Variants in TMEM135 observed in about 807,000 individuals in gnomAD.
TMEM135 encodes the protein transmembrane protein 135, also known as peroxisomal membrane protein 52.
A neutral mutation model predicts 60.3 loss-of-function variants in TMEM135; 30 were observed. The ratio of observed to expected loss-of-function variants is 0.50; its 90% CI spans 0.37 to 0.68. TMEM135 has a LOEUF of 0.68. Among genes scored for constraint, TMEM135 ranks in the 30% least tolerant of loss-of-function variants. TMEM135 has a pLI of 0.00. For missense variants in TMEM135, 468 were observed against 548.8 expected, an observed-to-expected ratio of 0.85 and a Z score of 1.47; for synonymous variants, 190 against 186.7, an observed-to-expected ratio of 1.02 and a Z score of -0.14.
At chr11:87,288,626 C>T (rs1306475716) in intron 6 of TMEM135, among the ~76,000 whole-genome samples, 2 of 151,868 alleles carry the variant, frequency 1.3e-5, no homozygotes, top group Non-Finnish European at 1.5e-5. Flanking sequence ...AATTATAAAT[C>T]ATTTAATCAG....
chr11:87,047,691 G>C (rs113663033), intron 1 of TMEM135, among the ~76,000 whole-genome samples: 25,249 of 112,568 alleles, frequency 0.22, 3,198 homozygotes, highest in East Asian at 0.56. Flanking sequence ...CTGATTGCTA[G>C]CACAGCAGTC....
At chr11:87,083,909 CTT>C (rs1281757819) in intron 3 of TMEM135, among the ~76,000 whole-genome samples, 2 of 152,014 alleles carry the variant, frequency 1.3e-5, no homozygotes, top group Non-Finnish European at 2.9e-5. Flanking sequence ...GGAATTTTCA[CTT>C]TCTTTTATTT....
chr11:87,172,775 T>G (rs1328975930), intron 5 of TMEM135, among the ~76,000 whole-genome samples: 1 of 152,000 alleles, frequency 6.6e-6, no homozygotes, highest in Non-Finnish European at 1.5e-5. Context: ...ATTATAAATA[T>G]TGGTGTTATT....
At chr11:87,165,857 GA>G (rs61531290) in intron 5 of TMEM135, among the ~76,000 whole-genome samples, 1 of 148,304 alleles carries the variant, frequency 6.7e-6, no homozygotes, top group Non-Finnish European at 1.5e-5. Context: ...GACTAATAAA[GA>G]AAAAAGAGAG....
intron 6 of TMEM135, among the ~76,000 whole-genome samples, chr11:87,259,417 G>A (rs866122089): frequency 2.9e-4 from 43 of 149,130 alleles, no homozygotes; most frequent in Admixed American, 1.3e-4. Context: ...CGTGTAGAGC[G>A]GGAATACACA....
intron 5 of TMEM135, among the ~76,000 whole-genome samples, chr11:87,194,951 A>G (rs1252545333): frequency 1.3e-5 from 2 of 152,190 alleles, no homozygotes; most frequent in East Asian, 3.8e-4. Flanking sequence ...TACTTAATGA[A>G]TGCTTGTTTC....
intron 1 of TMEM135, among the ~76,000 whole-genome samples, chr11:87,040,352 G>T (rs926078802): frequency 3.9e-5 from 6 of 152,062 alleles, no homozygotes; most frequent in Admixed American, 1.3e-4. Context: ...GTGGTGGAAA[G>T]AAATTGGACT....
At chr11:87,198,795 A>G (rs914249732) in intron 5 of TMEM135, among the ~76,000 whole-genome samples, 7 of 152,090 alleles carry the variant, frequency 4.6e-5, no homozygotes, top group African/African-American at 1.7e-4. Flanking sequence ...AGTATAAATA[A>G]TAGAAACAAC....
In TMEM135 at chr11:87,162,682, C is replaced by T. The variant is rs183802717; in HGVS notation, c.462+5276C>T. On this transcript the variant is annotated intron_variant, in intron 5 of 14. Coordinates refer to ENST00000305494, the MANE Select transcript of TMEM135 (RefSeq NM_022918.4). Reference sequence around the variant, plus strand: ...TGTGAACAGTGCTGCAATTAACATACGTGTACATGTGTCTTTATAGTAGAG... The same window carrying T: ...TGTGAACAGTGCTGCAATTAACATATGTGTACATGTGTCTTTATAGTAGAG... Among the ~76,000 whole-genome samples the T allele has an allele frequency of 1.5e-3, 227 of 152,238 alleles. 2 individuals carry two copies. Among genetic ancestry groups the T allele is most frequent in the Non-Finnish European group, 2.4e-3 (162 of 68,002 alleles).
At chr11:87,199,551 A>G (rs917566769) in intron 5 of TMEM135, among the ~76,000 whole-genome samples, 26 of 152,192 alleles carry the variant, frequency 1.7e-4, no homozygotes, top group African/African-American at 5.5e-4. Context: ...CTTGTAGGGG[A>G]TGAGGTAGAT....
At chr11:87,146,853 C>G (rs1393209217) in intron 4 of TMEM135, among the ~76,000 whole-genome samples, 2 of 150,808 alleles carry the variant, frequency 1.3e-5, no homozygotes, top group African/African-American at 4.9e-5. Flanking sequence ...CTAAGGTTGC[C>G]CAAGTAGTAA....
rs1240345578 is a variant in TMEM135 at position 87,323,449 on chromosome 11, T to C, written c.*2116T>C. 1 of 453,920 alleles carries C rather than the reference T, an allele frequency of 2.2e-6. No homozygotes were observed. Among genetic ancestry groups the C allele is most frequent in the Non-Finnish European group, 4.4e-6 (1 of 226,756 alleles). 28.1% of individuals were successfully genotyped at this position (453,920 alleles called of 1,614,324 possible). A position where few individuals can be genotyped will look rare whatever the true frequency, so the allele number is the denominator to read the frequency against. ...TTTGAAGACAATCAGAATGATTACC[T>C]TTCTACCTCTAACTAATCAGGTATT... On this transcript the variant is annotated 3_prime_UTR_variant, in exon 15 of 15. Coordinates refer to ENST00000305494, the MANE Select transcript of TMEM135 (RefSeq NM_022918.4).
At chr11:87,179,498 C>T (rs1425647359) in intron 5 of TMEM135, among the ~76,000 whole-genome samples, 1 of 151,890 alleles carries the variant, frequency 6.6e-6, no homozygotes, top group Non-Finnish European at 1.5e-5. Flanking sequence ...TCATTTAGGT[C>T]TGTGATCTGT....
At chr11:87,103,303 T>G (rs975403850) in intron 4 of TMEM135, among the ~76,000 whole-genome samples, 1 of 152,142 alleles carries the variant, frequency 6.6e-6, no homozygotes, top group African/African-American at 2.4e-5. Context: ...TTCTCACCAA[T>G]AGTGTACAAG....
intron 6 of TMEM135, among the ~76,000 whole-genome samples, chr11:87,246,472 G>A (rs1343932472): frequency 6.6e-6 from 1 of 152,174 alleles, no homozygotes; most frequent in Non-Finnish European, 1.5e-5. Context: ...CATTCTCCCT[G>A]TCACTTTCAG....
intron 8 of TMEM135, among the ~76,000 whole-genome samples, chr11:87,303,522 C>A (rs1942483312): frequency 6.6e-6 from 1 of 152,176 alleles, no homozygotes; most frequent in African/African-American, 2.4e-5. Flanking sequence ...AGAGATTTAA[C>A]CATTATGCAT....
intron 6 of TMEM135, among the ~76,000 whole-genome samples, chr11:87,276,969 GC>G (rs202119698): frequency 0.025 from 3,763 of 151,848 alleles, 69 homozygotes; most frequent in Non-Finnish European, 0.036. Flanking sequence ...ACTTTACCTG[GC>G]TTTTTTTTAA....
intron 6 of TMEM135, among the ~76,000 whole-genome samples, chr11:87,250,435 C>T (rs540557166): frequency 6.6e-6 from 1 of 152,036 alleles, no homozygotes; most frequent in East Asian, 1.9e-4. Context: ...AAACTTTTCT[C>T]TTAGTATTGC....
chr11:87,323,344 G>C lies in TMEM135; in HGVS notation c.*2011G>C. On this transcript the variant is annotated 3_prime_UTR_variant, in exon 15 of 15. Transcript: ENST00000305494. Reference sequence around the variant, plus strand: ...AGTGAATAACCAATTTGCAGTGGTGGATTGAGAAGTCCAGTTTGATTTCAT... The same window carrying C: ...AGTGAATAACCAATTTGCAGTGGTGCATTGAGAAGTCCAGTTTGATTTCAT... 2.2e-6 allele frequency: 1 copy of C among 453,978 alleles called. No individual in the cohort carries two copies. The highest frequency in any genetic ancestry group is 4.4e-6 in the Non-Finnish European group (1 of 226,728). The allele number at this position is 453,978 out of a possible 1,614,324, so 28.1% of individuals were successfully genotyped here.
Sources: allele counts gnomAD v4.1 joint callset (sites outside exome capture counted in the v4.1 genomes callset), GRCh38; gene constraint gnomAD v4.1.1; transcripts MANE v1.5; gene names NCBI Gene and HGNC (gene_info 2026-07-23, HGNC 2026-07-21).